The following ATG7 variants were observed in gnomAD, a reference collection of about 807,000 sequenced individuals.
The protein encoded by ATG7 is autophagy related 7, also known as ubiquitin-like modifier-activating enzyme ATG7.
Under a neutral mutation model 82.4 loss-of-function variants are expected in ATG7, and 70 were observed. The observed-to-expected ratio is 0.85, with a 90% CI of 0.70 to 1.04. The LOEUF (loss-of-function observed/expected upper bound fraction) is 1.04. Among genes scored for constraint, ATG7 ranks in the 50% least tolerant of loss-of-function variants. ATG7 has a pLI of 0.00. For missense variants in ATG7, 792 were observed against 864.3 expected (o/e 0.92, Z 1.05); for synonymous variants, 287 against 313.0 (o/e 0.92, Z 0.88).
intron 20 of ATG7, among the ~76,000 whole-genome samples, chr3:11,436,552 T>C (rs1267937676): frequency 1.3e-5 from 2 of 152,212 alleles, no homozygotes; most frequent in African/African-American, 2.4e-5. Context: ...TATATGTGTG[T>C]GTGTGTATAA....
Position 11,309,024 on chromosome 3 carries a change from C to G in ATG7, c.374C>G (p.Pro125Arg). Reference sequence around the variant, plus strand: ...AAATCAGGCACTGCTCTTGAAAACCCTGTACTCCTCAACAAGTTCCTCCTC... The same window carrying G: ...AAATCAGGCACTGCTCTTGAAAACCGTGTACTCCTCAACAAGTTCCTCCTC... ...SIKSGTALEN[P>R]VLLNKFLLLT... The change falls in exon 7 of 21, where the codon CCT becomes CGT. Residue 125 changes from proline (P) to arginine (R), a missense_variant. By Grantham distance (103) the Pro-to-Arg change is moderately radical (BLOSUM62 -2). Coordinates refer to ENST00000693202, the MANE Select transcript of ATG7 (RefSeq NM_001349232.2). The G allele has an allele frequency of 1.2e-6, 2 of 1,614,110 alleles. No homozygotes were observed. The highest frequency in any genetic ancestry group is 1.3e-5 in the African/African-American group (1 of 75,052).
At chr3:11,324,063 G>T (rs1163788811) in intron 9 of ATG7, among the ~76,000 whole-genome samples, 1 of 152,156 alleles carries the variant, frequency 6.6e-6, no homozygotes, top group Non-Finnish European at 1.5e-5. Flanking sequence ...TCAATGAATT[G>T]TATGCTCTCA....
At chr3:11,492,325 A>T (rs2090439916) in intron 20 of ATG7, among the ~76,000 whole-genome samples, 1 of 152,134 alleles carries the variant, frequency 6.6e-6, no homozygotes, top group South Asian at 2.1e-4. Context: ...TTCGGCTCGC[A>T]CACGGTGCTC....
At chr3:11,432,952 G>C (rs141545467) in intron 20 of ATG7, among the ~76,000 whole-genome samples, 1 of 152,086 alleles carries the variant, frequency 6.6e-6, no homozygotes, top group South Asian at 2.1e-4. Flanking sequence ...ACCACAGGGT[G>C]TCCAAGTCAT....
rs533275707 is a variant in ATG7, at chr3:11,556,596, G to C, written c.*1753G>C. ...CCTGCACTTTTACAGACAAATCTAC[G>C]ACAAAAAAAAAGATCAACTTTTTTT... is the stretch of plus-strand genomic sequence containing the variant. On this transcript the variant is annotated 3_prime_UTR_variant, in exon 21 of 21. Transcript: ENST00000693202. The C allele has an allele frequency of 6.7e-6, 1 of 149,604 alleles. No homozygotes were observed. The highest frequency in any genetic ancestry group is 2.5e-5 in the African/African-American group (1 of 40,448). The allele number at this position is 149,604 out of a possible 1,614,324, so 9.3% of individuals were successfully genotyped here.
At chr3:11,533,740 G>C (rs1269204033) in intron 20 of ATG7, among the ~76,000 whole-genome samples, 1 of 152,050 alleles carries the variant, frequency 6.6e-6, no homozygotes, top group Non-Finnish European at 1.5e-5. Context: ...TAGCCAAAAT[G>C]TAGCCTTACA....
At chr3:11,562,639 G>A (rs1383252872), downstream of ATG7, among the ~76,000 whole-genome samples, 1 of 152,234 alleles carries the variant, frequency 6.6e-6, no homozygotes, top group Non-Finnish European at 1.5e-5. Flanking sequence ...TGGTGTGCAT[G>A]GCCTCAGCCC....
rs2072426379 is a variant in ATG7 at position 11,556,504 on chromosome 3, G to A, written c.*1661G>A. On this transcript the variant is annotated 3_prime_UTR_variant, in exon 21 of 21. Coordinates refer to ENST00000693202, the MANE Select transcript of ATG7 (RefSeq NM_001349232.2). ...GGTGGTTTTCCTGTTACGACGCTCAGTAGCCTGTAGCAATAACAAACTCGT... is the reference window on the plus strand; with the variant it reads ...GGTGGTTTTCCTGTTACGACGCTCAATAGCCTGTAGCAATAACAAACTCGT... 6.5e-6 allele frequency: 1 copy of A among 152,710 alleles called. No homozygotes were observed. The highest frequency in any genetic ancestry group is 1.5e-5 in the Non-Finnish European group (1 of 68,034). The allele number at this position is 152,710 out of a possible 1,614,324, so 9.5% of individuals were successfully genotyped here.
At chr3:11,414,591 G>C (rs890172618) in intron 19 of ATG7, among the ~76,000 whole-genome samples, 1 of 152,096 alleles carries the variant, frequency 6.6e-6, no homozygotes, top group African/African-American at 2.4e-5. Context: ...TGTTGAAAAG[G>C]AGTGGTAAGG....
Position 11,298,549 on chromosome 3 carries a change from A to C in ATG7, c.-10-137A>C. 9.2e-6 allele frequency: 7 copies of C among 761,568 alleles called. 1 individual carries two copies. The South Asian group carries it at 1.3e-4, about 14-fold the overall frequency. 47.2% of individuals were successfully genotyped at this position (761,568 alleles called of 1,614,324 possible). A position where few individuals can be genotyped will look rare whatever the true frequency, so the allele number is the denominator to read the frequency against. On this transcript the variant is annotated intron_variant, in intron 3 of 20. Transcript: ENST00000693202. The stretch of plus-strand genomic sequence containing the variant: ...GTGTTTCTTACCACAATCCAAAAAG[A>C]AGTTGTGTTTCAAGGTAGCCTGTAA...
Position 11,362,916 on chromosome 3 carries a change from A to C in ATG7, c.1787A>C (p.Gln596Pro). 1.2e-6 allele frequency: 2 copies of C among 1,613,804 alleles called. No individual in the cohort carries two copies. Among genetic ancestry groups the C allele is most frequent in the Non-Finnish European group, 1.7e-6 (2 of 1,179,864 alleles). ...GTGGAATTGATGGTATCTGTTTTGCAGCATCCAGAAGGGTGAGTTTGCTAG... is the reference window on the plus strand; with the variant it reads ...GTGGAATTGATGGTATCTGTTTTGCCGCATCCAGAAGGGTGAGTTTGCTAG... ...LAVELMVSVL[Q>P]HPEGGYAIAS... The change falls in exon 17 of 21, where the codon CAG becomes CCG. Residue 596 changes from glutamine to proline, a missense_variant. Gln to Pro is a moderately conservative substitution (Grantham distance 76, BLOSUM62 -1). Coordinates refer to ENST00000693202, the MANE Select transcript of ATG7 (RefSeq NM_001349232.2).
chr3:11,444,373 T>C (rs547969388), intron 20 of ATG7, among the ~76,000 whole-genome samples: 3 of 152,310 alleles, frequency 2.0e-5, no homozygotes, highest in Non-Finnish European at 4.4e-5. Flanking sequence ...TAGAATTTAA[T>C]TAATACTAAA....
chr3:11,317,697 A>T (rs1023557128), intron 9 of ATG7, among the ~76,000 whole-genome samples: 1 of 147,300 alleles, frequency 6.8e-6, no homozygotes, highest in East Asian at 2.0e-4. Flanking sequence ...GCTTCAAGTG[A>T]TTCTCCTGCC....
rs1367129392 is a variant in ATG7, at chr3:11,511,912, A to G, written c.2080-42899A>G. Among the ~76,000 whole-genome samples the G allele has an allele frequency of 3.3e-5, 5 of 152,110 alleles. No individual in the cohort carries two copies. The South Asian group carries it at 6.2e-4, about 19-fold the overall frequency. ...CGAATGCGGGGCCCACCAAGCCCACACCCACCCAGAACTCCAGCTGGCCTG... is the reference window on the plus strand; with the variant it reads ...CGAATGCGGGGCCCACCAAGCCCACGCCCACCCAGAACTCCAGCTGGCCTG... On this transcript the variant is annotated intron_variant, in intron 20 of 20. Transcript: ENST00000693202.
chr3:11,443,986 A>G (rs536173787), intron 20 of ATG7, among the ~76,000 whole-genome samples: 2 of 152,276 alleles, frequency 1.3e-5, no homozygotes, highest in East Asian at 3.9e-4. Context: ...AGAAACAGTA[A>G]ACTTTTCCTG....
chr3:11,472,616 G>C (rs906101466), intron 20 of ATG7, among the ~76,000 whole-genome samples: 1 of 152,192 alleles, frequency 6.6e-6, no homozygotes, highest in Admixed American at 6.5e-5. Context: ...GTCCACTGTG[G>C]TTATCTTACC....
intron 11 of ATG7, among the ~76,000 whole-genome samples, chr3:11,333,748 CTTT>C (rs770412107): frequency 5.1e-5 from 7 of 138,200 alleles, no homozygotes; most frequent in African/African-American, 8.1e-5. Context: ...GGATATATTT[CTTT>C]TTTTTTTTTT....
chr3:11,540,516 C>T (rs1033372705), intron 20 of ATG7, among the ~76,000 whole-genome samples: 2 of 151,930 alleles, frequency 1.3e-5, no homozygotes, highest in African/African-American at 2.4e-5. Flanking sequence ...TGGTGCGCAC[C>T]TGTGGTCCCA....
intron 20 of ATG7, among the ~76,000 whole-genome samples, chr3:11,495,077 CA>C (rs1279342427): frequency 1.3e-5 from 2 of 149,880 alleles, no homozygotes; most frequent in Non-Finnish European, 3.0e-5. Context: ...GGCTCCGTCT[CA>C]GAAAAAAAAA....
Sources: allele counts gnomAD v4.1 joint callset (sites outside exome capture counted in the v4.1 genomes callset), GRCh38; gene constraint gnomAD v4.1.1; transcripts MANE v1.5; gene names NCBI Gene and HGNC (gene_info 2026-07-23, HGNC 2026-07-21).